TMEM132D: variants seen among roughly 807,000 people sequenced by gnomAD.
TMEM132D encodes the protein mature OL transmembrane protein.
TMEM132D carries 21 observed loss-of-function variants against 62.3 expected under a neutral mutation model. The ratio of observed to expected loss-of-function variants is 0.34; its 90% CI spans 0.24 to 0.49. TMEM132D has a LOEUF of 0.49. Among genes scored for constraint, TMEM132D ranks in the 20% least tolerant of loss-of-function variants. TMEM132D has a pLI of 0.99. For synonymous variants in TMEM132D, 621 were observed against 575.6 expected, an observed-to-expected ratio of 1.08 and a Z score of -1.13; for missense variants, 1,346 against 1,402.8, an observed-to-expected ratio of 0.96 and a Z score of 0.65.
chr12:129,294,582 G>A (rs921267233), intron 4 of TMEM132D, among the ~76,000 whole-genome samples: 5 of 152,148 alleles, frequency 3.3e-5, no homozygotes, highest in Non-Finnish European at 7.3e-5. Flanking sequence ...ACAGGTGACT[G>A]GATGCAAGGG....
intron 2 of TMEM132D, among the ~76,000 whole-genome samples, chr12:129,616,973 ATTTTGTT>A (rs1212474934): frequency 6.6e-6 from 1 of 152,030 alleles, no homozygotes; most frequent in Admixed American, 6.5e-5. Context: ...TTTTTGTTTC[ATTTTGTT>A]TTTTGTTTTT....
At chr12:129,111,961 A>G (rs34009741) in intron 5 of TMEM132D, among the ~76,000 whole-genome samples, 9,904 of 152,172 alleles carry the variant, frequency 0.065, 414 homozygotes, top group Middle Eastern at 0.17. Context: ...ACTCTTCATC[A>G]TGATGCCCGT....
intron 1 of TMEM132D, among the ~76,000 whole-genome samples, chr12:129,778,114 C>CAA (rs35384142): frequency 0.054 from 4,578 of 84,788 alleles, 307 homozygotes; most frequent in Admixed American, 0.12. Flanking sequence ...GACCCTGTCT[C>CAA]AAAAAAAAAA....
chr12:129,732,899 C>T (rs182003179), intron 1 of TMEM132D, among the ~76,000 whole-genome samples: 61 of 152,264 alleles, frequency 4.0e-4, no homozygotes, highest in Non-Finnish European at 7.1e-4. Context: ...AATCAGGCCT[C>T]TGTAATGAAA....
At chr12:129,112,312 C>T (rs776561683) in intron 5 of TMEM132D, among the ~76,000 whole-genome samples, 30 of 152,276 alleles carry the variant, frequency 2.0e-4, no homozygotes, top group African/African-American at 6.0e-4. Flanking sequence ...GGTTTACACC[C>T]GTGCTGTCCA....
At chr12:129,328,962 CTTTATATATATAAAGAA>C (rs1349138171) in intron 4 of TMEM132D, among the ~76,000 whole-genome samples, 25 of 148,534 alleles carry the variant, frequency 1.7e-4, no homozygotes, top group Non-Finnish European at 2.1e-4. Flanking sequence ...AAATTAAATT[CTTTATATATATAAAGAA>C]TTTATATATA....
intron 3 of TMEM132D, among the ~76,000 whole-genome samples, chr12:129,421,405 T>C (rs1593373188): frequency 1.3e-5 from 2 of 152,306 alleles, no homozygotes; most frequent in African/African-American, 4.8e-5. Context: ...GTGAGGGAGA[T>C]TTTTGCTCTC....
chr12:129,743,046 A>C (rs957271832), intron 1 of TMEM132D, among the ~76,000 whole-genome samples: 1 of 152,224 alleles, frequency 6.6e-6, no homozygotes, highest in Non-Finnish European at 1.5e-5. Flanking sequence ...TAGAAAGCAC[A>C]TCCCAATCCA....
At chr12:129,266,486 T>C (rs1322070474) in intron 4 of TMEM132D, among the ~76,000 whole-genome samples, 1 of 150,118 alleles carries the variant, frequency 6.7e-6, no homozygotes, top group East Asian at 2.0e-4. Flanking sequence ...GCTCCTTCTC[T>C]CCCCTCTTTT....
intron 5 of TMEM132D, among the ~76,000 whole-genome samples, chr12:129,106,411 TATA>T (rs1875500390): frequency 6.6e-6 from 1 of 151,478 alleles, no homozygotes; most frequent in African/African-American, 2.4e-5. Flanking sequence ...AAACTTAAAG[TATA>T]ATAATAATAA....
At chr12:129,376,415 CA>C (rs1870781780) in intron 3 of TMEM132D, among the ~76,000 whole-genome samples, 1 of 152,130 alleles carries the variant, frequency 6.6e-6, no homozygotes, top group Non-Finnish European at 1.5e-5. Flanking sequence ...CTAAAGCCAC[CA>C]GATCTCATGA....
At chr12:129,583,694 C>A (rs538380592) in intron 2 of TMEM132D, among the ~76,000 whole-genome samples, 1 of 152,280 alleles carries the variant, frequency 6.6e-6, no homozygotes, top group South Asian at 2.1e-4. Flanking sequence ...GGGGGGTGAG[C>A]TTGCCTTAGA....
At chr12:129,594,494 A>G (rs1391555452) in intron 2 of TMEM132D, among the ~76,000 whole-genome samples, 6 of 152,220 alleles carry the variant, frequency 3.9e-5, no homozygotes, top group Admixed American at 1.3e-4. Context: ...GATATTTCAC[A>G]TACTGTCCAT....
At chr12:129,493,916 G>A (rs1176562010) in intron 3 of TMEM132D, among the ~76,000 whole-genome samples, 13 of 152,192 alleles carry the variant, frequency 8.5e-5, no homozygotes, top group Admixed American at 7.9e-4. Flanking sequence ...TCAGAGACTC[G>A]AAGCTCAAAC....
intron 5 of TMEM132D, among the ~76,000 whole-genome samples, chr12:129,195,424 G>A (rs1409623004): frequency 6.6e-6 from 1 of 152,068 alleles, no homozygotes; most frequent in African/African-American, 2.4e-5. Context: ...CAGAAACCAT[G>A]GGAGGATTTT....
chr12:129,400,591 G>T (rs1232683398), intron 3 of TMEM132D, among the ~76,000 whole-genome samples: 1 of 152,100 alleles, frequency 6.6e-6, no homozygotes, highest in Non-Finnish European at 1.5e-5. Context: ...ATGGAGAGCT[G>T]CCTGGACTAT....
intron 4 of TMEM132D, among the ~76,000 whole-genome samples, chr12:129,304,894 C>T (rs1881810065): frequency 6.6e-6 from 1 of 151,998 alleles, no homozygotes; most frequent in African/African-American, 2.4e-5. Flanking sequence ...GAACTCTTGC[C>T]CTCAAGTGAT....
chr12:129,752,007 T>C (rs369185726), intron 1 of TMEM132D, among the ~76,000 whole-genome samples: 18 of 152,182 alleles, frequency 1.2e-4, no homozygotes, highest in East Asian at 7.7e-4. Flanking sequence ...CTTCAACTGT[T>C]ATTTGCTTAA....
intron 3 of TMEM132D, among the ~76,000 whole-genome samples, chr12:129,448,668 A>G (rs929984065): frequency 6.6e-6 from 1 of 152,200 alleles, no homozygotes; most frequent in African/African-American, 2.4e-5. Flanking sequence ...TTCAAAGTAT[A>G]TAATAAATAG....
Sources: allele counts gnomAD v4.1 joint callset (sites outside exome capture counted in the v4.1 genomes callset), GRCh38; gene constraint gnomAD v4.1.1; transcripts MANE v1.5; gene names NCBI Gene and HGNC (gene_info 2026-07-23, HGNC 2026-07-21).